The following CAMKMT variants were observed in gnomAD, a reference collection of about 807,000 sequenced individuals.
The protein encoded by CAMKMT is calmodulin-lysine N-methyltransferase, also known as CaM KMT.
Under a neutral mutation model 48.0 loss-of-function variants are expected in CAMKMT, and 53 were observed. The ratio of observed to expected loss-of-function variants is 1.10; its 90% CI spans 0.89 to 1.39. The LOEUF is 1.39. Ranked by LOEUF, CAMKMT falls within the 40% of genes most tolerant of loss-of-function variation. The pLI is 0.00. For synonymous variants in CAMKMT, 165 were observed against 152.3 expected (o/e 1.08, Z -0.61); for missense variants, 428 against 402.7 (o/e 1.06, Z -0.54).
intron 2 of CAMKMT, among the ~76,000 whole-genome samples, chr2:44,381,416 C>T (rs931314624): frequency 5.9e-5 from 9 of 152,018 alleles, no homozygotes; most frequent in South Asian, 2.1e-4. Context: ...GAGACAGATG[C>T]AAGAAGAAGA....
At chr2:44,677,984 C>T (rs1361568210) in intron 3 of CAMKMT, among the ~76,000 whole-genome samples, 1 of 151,888 alleles carries the variant, frequency 6.6e-6, no homozygotes, top group Non-Finnish European at 1.5e-5. Flanking sequence ...AGAGAACTGA[C>T]AAACTTTTCT....
intron 3 of CAMKMT, among the ~76,000 whole-genome samples, chr2:44,659,075 GTTTTTT>G (rs1192483405): frequency 1.0e-4 from 9 of 86,348 alleles, no homozygotes; most frequent in South Asian, 4.2e-4. Context: ...TGTGTGTGTA[GTTTTTT>G]TTTTTTTTTT....
At chr2:44,523,105 A>T (rs968487868) in intron 3 of CAMKMT, among the ~76,000 whole-genome samples, 3 of 152,094 alleles carry the variant, frequency 2.0e-5, no homozygotes, top group Non-Finnish European at 4.4e-5. Flanking sequence ...AACTTTTAGT[A>T]ATGAAATTTG....
At chr2:44,472,647 A>C (rs989867209) in intron 3 of CAMKMT, among the ~76,000 whole-genome samples, 4 of 152,198 alleles carry the variant, frequency 2.6e-5, no homozygotes, top group African/African-American at 9.7e-5. Context: ...GGTGCCTGTC[A>C]CCTAGGAGCC....
intron 3 of CAMKMT, among the ~76,000 whole-genome samples, chr2:44,450,794 A>G (rs1446092234): frequency 1.3e-5 from 2 of 152,178 alleles, no homozygotes; most frequent in Non-Finnish European, 2.9e-5. Context: ...AAAAATCACA[A>G]TGTCATAGCT....
chr2:44,531,592 T>G (rs934293489), intron 3 of CAMKMT, among the ~76,000 whole-genome samples: 8 of 152,186 alleles, frequency 5.3e-5, no homozygotes, highest in Admixed American at 2.6e-4. Context: ...GTTCTGGTCA[T>G]GTATCCCTTT....
At chr2:44,727,379 CT>C (rs1338275293) in intron 7 of CAMKMT, among the ~76,000 whole-genome samples, 1 of 152,090 alleles carries the variant, frequency 6.6e-6, no homozygotes, top group African/African-American at 2.4e-5. Flanking sequence ...TTCTTTGTGG[CT>C]AATTTAAGTG....
chr2:44,493,708 C>T (rs1669623618), intron 3 of CAMKMT, among the ~76,000 whole-genome samples: 1 of 151,888 alleles, frequency 6.6e-6, no homozygotes, highest in Admixed American at 6.6e-5. Flanking sequence ...GAAGAAAAAG[C>T]CTTGGAAAAA....
chr2:44,483,192 G>C (rs1237015579), intron 3 of CAMKMT, among the ~76,000 whole-genome samples: 1 of 152,170 alleles, frequency 6.6e-6, no homozygotes, highest in Non-Finnish European at 1.5e-5. Context: ...CCCTCAGTCA[G>C]TGTGGGGAGA....
At chr2:44,419,178 G>A (rs560831601) in intron 3 of CAMKMT, among the ~76,000 whole-genome samples, 2 of 152,224 alleles carry the variant, frequency 1.3e-5, no homozygotes, top group South Asian at 2.1e-4. Flanking sequence ...TCCAGATTCC[G>A]TCGCAGCTAA....
At chr2:44,592,336 A>G (rs879429525) in intron 3 of CAMKMT, among the ~76,000 whole-genome samples, 1 of 152,056 alleles carries the variant, frequency 6.6e-6, no homozygotes, top group South Asian at 2.1e-4. Context: ...TGTGCCTTCC[A>G]TTTCATCTAA....
At chr2:44,489,395 G>A (rs144592240) in intron 3 of CAMKMT, among the ~76,000 whole-genome samples, 3,956 of 151,882 alleles carry the variant, frequency 0.026, 180 homozygotes, top group African/African-American at 0.09. Flanking sequence ...ACAGGCACCC[G>A]CCAGCATGCC....
intron 3 of CAMKMT, among the ~76,000 whole-genome samples, chr2:44,431,516 A>G (rs1214618064): frequency 6.6e-6 from 1 of 152,146 alleles, no homozygotes; most frequent in Non-Finnish European, 1.5e-5. Context: ...CTGTAGAGGT[A>G]ACATCAGTGA....
At chr2:44,770,339 T>C (rs1681050856) in intron 10 of CAMKMT, among the ~76,000 whole-genome samples, 1 of 152,274 alleles carries the variant, frequency 6.6e-6, no homozygotes, top group Non-Finnish European at 1.5e-5. Context: ...GGCTGGCCCC[T>C]GGCCCCTTTC....
At chr2:44,512,733 A>G (rs11888605) in intron 3 of CAMKMT, among the ~76,000 whole-genome samples, 76,264 of 152,152 alleles carry the variant, frequency 0.5, 20,270 homozygotes, top group Middle Eastern at 0.6. Flanking sequence ...GACATGATGT[A>G]TAGTCAACTT....
At chr2:44,593,439 C>T (rs1392300114) in intron 3 of CAMKMT, among the ~76,000 whole-genome samples, 1 of 152,154 alleles carries the variant, frequency 6.6e-6, no homozygotes, top group African/African-American at 2.4e-5. Flanking sequence ...GATACTCTGT[C>T]CTTTGAACTC....
At chr2:44,386,683 T>C (rs180689152) in intron 2 of CAMKMT, among the ~76,000 whole-genome samples, 2 of 152,262 alleles carry the variant, frequency 1.3e-5, no homozygotes, top group African/African-American at 4.8e-5. Context: ...GCATCACCTT[T>C]GCTGTATCCC....
At chr2:44,691,350 G>A (rs1490628114) in intron 3 of CAMKMT, among the ~76,000 whole-genome samples, 1 of 152,228 alleles carries the variant, frequency 6.6e-6, no homozygotes, top group Non-Finnish European at 1.5e-5. Context: ...CTCGGGGAAC[G>A]TTGCCTGAAG....
At chr2:44,685,706 T>G (rs989105164) in intron 3 of CAMKMT, among the ~76,000 whole-genome samples, 1 of 152,210 alleles carries the variant, frequency 6.6e-6, no homozygotes, top group African/African-American at 2.4e-5. Flanking sequence ...GGTTCTCAAC[T>G]CATGCTGCCA....
Sources: gnomAD v4.1 joint callset for allele counts (sites outside exome capture counted in the v4.1 genomes callset) on GRCh38, gnomAD v4.1.1 for gene constraint, MANE v1.5 for transcripts, NCBI Gene and HGNC (gene_info 2026-07-23, HGNC 2026-07-21) for gene names.